The following NTAN1 variants were observed in gnomAD, a reference collection of about 807,000 sequenced individuals.
NTAN1 encodes protein N-terminal asparagine amidohydrolase.
A neutral mutation model predicts 41.9 loss-of-function variants in NTAN1; 32 were observed. The ratio of observed to expected loss-of-function variants is 0.76; its 90% CI spans 0.58 to 1.03. The LOEUF (loss-of-function observed/expected upper bound fraction) is 1.03. Ranked by LOEUF, NTAN1 falls within the 50% of genes least tolerant of loss-of-function variation. The pLI, the probability that NTAN1 is intolerant of heterozygous loss-of-function variation, is 0.00. For synonymous variants in NTAN1, 140 were observed against 139.5 expected (o/e 1.00, Z -0.03); for missense variants, 377 against 377.5 (o/e 1.00, Z 0.01).
intron 5 of NTAN1, 115 bp downstream of exon 5, chr16:15,044,219 G>A (rs983965197): frequency 1.2e-5 from 8 of 691,134 alleles, no homozygotes; most frequent in African/African-American, 1.8e-5. Flanking sequence ...TCTCTGTGCT[G>A]CTCCAAGTGG....
intron 1 of NTAN1, among the ~76,000 whole-genome samples, chr16:15,049,367 C>T (rs1266345611): frequency 6.6e-6 from 1 of 152,114 alleles, no homozygotes; most frequent in Non-Finnish European, 1.5e-5. Flanking sequence ...AGTAATTTCA[C>T]TTCTGGAAAT....
At chr16:15,055,143 G>C (rs993004245) in intron 1 of NTAN1, among the ~76,000 whole-genome samples, 1 of 152,082 alleles carries the variant, frequency 6.6e-6, no homozygotes, top group African/African-American at 2.4e-5. Context: ...CCTTTAACAG[G>C]ATCTATGGCA....
chr16:15,039,971 G>T lies in NTAN1; in HGVS notation c.637C>A (p.Pro213Thr). Residue 213 changes from proline to threonine, a missense_variant and splice_region_variant, in exon 8 of 10, where the codon CCA (proline) becomes ACA (threonine). Transcript: ENST00000287706. ...AACAAAGATGATTTGAAACTCACTGGTCCTCCTGCTAAAGTTCGCGCAGCA... is the reference window on the plus strand; with the variant it reads ...AACAAAGATGATTTGAAACTCACTGTTCCTCCTGCTAAAGTTCGCGCAGCA... ...LRAARTLAGG[P>T]MISIYDAETE... 1.9e-6 allele frequency: 3 copies of T among 1,564,018 alleles called. No homozygotes were observed. The highest frequency in any genetic ancestry group is 8.8e-7 in the Non-Finnish European group (1 of 1,138,800).
intron 5 of NTAN1, 39 bp from the exon 6 acceptor site, chr16:15,041,715 C>A: frequency 1.4e-6 from 2 of 1,455,178 alleles, no homozygotes; most frequent in Non-Finnish European, 1.9e-6. Context: ...CAGAAAAGTT[C>A]CTCTAGTTAC....
At chr16:15,043,597 C>T (rs1012675038) in intron 5 of NTAN1, among the ~76,000 whole-genome samples, 3 of 151,726 alleles carry the variant, frequency 2.0e-5, no homozygotes, top group Non-Finnish European at 4.4e-5. Flanking sequence ...AAGCTTGCTT[C>T]ATGGCCTGGT....
intron 1 of NTAN1, among the ~76,000 whole-genome samples, chr16:15,055,416 C>T (rs2044469341): frequency 6.6e-6 from 1 of 152,202 alleles, no homozygotes; most frequent in South Asian, 2.1e-4. Context: ...ACTGGGGGTC[C>T]CCGCCAAGAT....
chr16:15,053,640 G>A (rs1204222159), intron 1 of NTAN1, among the ~76,000 whole-genome samples: 1 of 152,164 alleles, frequency 6.6e-6, no homozygotes, highest in East Asian at 1.9e-4. Flanking sequence ...GCCAGGTGGA[G>A]TGGCTCACAC....
Position 15,048,067 on chromosome 16 carries a change from A to C in NTAN1, c.114T>G (p.Val38=), listed in dbSNP as rs751364023. The C allele has an allele frequency of 1.2e-6, 2 of 1,612,638 alleles. No individual in the cohort carries two copies. Among genetic ancestry groups the C allele is most frequent in the African/African-American group, 1.3e-5 (1 of 74,908 alleles). Residue 38 remains valine, a synonymous_variant, in exon 2 of 10, where the codon GTT becomes GTG. Coordinates refer to ENST00000287706, the MANE Select transcript of NTAN1 (RefSeq NM_173474.4). ...ERARLLRGQS[V]QQVGPQGLLY... Reference sequence around the variant, plus strand: ...GAAGGCCCTGGGGTCCCACTTGTTGAACAGACTGACCTCTGAGAAGTCTGG... The same window carrying C: ...GAAGGCCCTGGGGTCCCACTTGTTGCACAGACTGACCTCTGAGAAGTCTGG...
intron 6 of NTAN1, 136 bp downstream of exon 6, chr16:15,041,487 A>G (rs2043814311): frequency 1.3e-6 from 1 of 752,844 alleles, no homozygotes; most frequent in Admixed American, 1.8e-5. Context: ...AGGCCATCCC[A>G]CCACAGGAAG....
rs761224724 is a variant in NTAN1, at chr16:15,038,129, G to C, written c.835C>G (p.Pro279Ala). 31 of 1,611,766 alleles carry C rather than the reference G, an allele frequency of 1.9e-5. No homozygotes were observed. The Middle Eastern group carries it at 5.0e-4, about 26-fold the overall frequency. Residue 279 changes from proline (P) to alanine (A), a missense_variant, in exon 10 of 10, where the codon CCA becomes GCA. Transcript: ENST00000287706. The part of the protein sequence containing the change: ...RSTLMFLKKH[P>A]SPAHTLFSGN... ...GAAAACAGTGTGTGAGCTGGAGATGGGTGTTTTTTTAAAAACATCAAGGTA... is the reference window on the plus strand; with the variant it reads ...GAAAACAGTGTGTGAGCTGGAGATGCGTGTTTTTTTAAAAACATCAAGGTA...
intron 6 of NTAN1, 96 bp downstream of exon 6, chr16:15,041,527 C>CAG: frequency 1.2e-6 from 1 of 842,858 alleles, no homozygotes. Context: ...CAAGCAGTGA[C>CAG]AGCAGTGTGT....
Position 15,053,927 on chromosome 16 carries a change from CCAAA to C in NTAN1, c.81+1960_81+1963del, listed in dbSNP as rs543081321. Among the ~76,000 whole-genome samples, 1,388 of 152,210 alleles carry C rather than the reference CCAAA, an allele frequency of 9.1e-3. 24 individuals carry two copies. Among genetic ancestry groups the C allele is most frequent in the African/African-American group, 0.032 (1,316 of 41,540 alleles). ...ACTAAGTCTCAAAAAAACCAACCAACCAAACAAACAAACAAAAAACCCAACCTTT... is the reference window on the plus strand; with the variant it reads ...ACTAAGTCTCAAAAAAACCAACCAACCAAACAAACAAAAAACCCAACCTTT... On this transcript the variant is annotated intron_variant, in intron 1 of 9. Transcript: ENST00000287706.
chr16:15,056,021 T>A lies in NTAN1; in HGVS notation c.-50A>T. 12 of 989,778 alleles carry A rather than the reference T, an allele frequency of 1.2e-5. No individual in the cohort carries two copies. Among genetic ancestry groups the A allele is most frequent in the Non-Finnish European group, 1.5e-5 (12 of 789,078 alleles). The allele number at this position is 989,778 out of a possible 1,614,324, so 61.3% of individuals were successfully genotyped here. The stretch of plus-strand genomic sequence containing the variant: ...CCCAGGGAGGCGGCGGCCCCCCGCT[T>A]TGCAGCCCCGGGCCGCCCGCCGCCC... On this transcript the variant is annotated 5_prime_UTR_variant, in exon 1 of 10. Coordinates refer to ENST00000287706, the MANE Select transcript of NTAN1 (RefSeq NM_173474.4).
At chr16:15,054,356 C>T (rs987104149) in intron 1 of NTAN1, among the ~76,000 whole-genome samples, 6 of 152,194 alleles carry the variant, frequency 3.9e-5, no homozygotes, top group African/African-American at 1.4e-4. Flanking sequence ...CCCGGTATGT[C>T]ACCAAATCTC....
intron 1 of NTAN1, among the ~76,000 whole-genome samples, chr16:15,053,852 CA>C (rs2044391916): frequency 6.6e-6 from 1 of 152,182 alleles, no homozygotes; most frequent in African/African-American, 2.4e-5. Context: ...ACAGAGGTTG[CA>C]GTGAGCCGAG....
chr16:15,040,257 G>A (rs950746491), intron 7 of NTAN1, 191 bp from the exon 8 acceptor site: 11 of 435,168 alleles, frequency 2.5e-5, no homozygotes, highest in African/African-American at 8.2e-5. Context: ...GGTGAAAATC[G>A]CTGAGGCTCG....
intron 8 of NTAN1, among the ~76,000 whole-genome samples, chr16:15,039,574 T>C (rs2043714051): frequency 6.6e-6 from 1 of 152,202 alleles, no homozygotes; most frequent in Non-Finnish European, 1.5e-5. Flanking sequence ...TCCAGCAAAT[T>C]GCTCTTCAGT....
chr16:15,052,826 CA>C (rs551077348), intron 1 of NTAN1, among the ~76,000 whole-genome samples: 5 of 146,080 alleles, frequency 3.4e-5, no homozygotes, highest in Non-Finnish European at 1.5e-5. Flanking sequence ...CTCTGTCTCT[CA>C]AAAAAAAAAT....
intron 1 of NTAN1, among the ~76,000 whole-genome samples, chr16:15,054,201 C>T (rs1396770780): frequency 6.6e-6 from 1 of 152,232 alleles, no homozygotes; most frequent in Non-Finnish European, 1.5e-5. Context: ...TCTCTCGTGC[C>T]TGCATCCTTC....
Sources: gnomAD v4.1 joint callset for allele counts (sites outside exome capture counted in the v4.1 genomes callset) on GRCh38, gnomAD v4.1.1 for gene constraint, MANE v1.5 for transcripts, NCBI Gene and HGNC (gene_info 2026-07-23, HGNC 2026-07-21) for gene names.